The following RSL24D1 variants were observed in gnomAD, a reference collection of about 807,000 sequenced individuals.
RSL24D1 encodes the protein ribosomal L24 domain containing 1, also known as probable ribosome biogenesis protein RLP24.
A neutral mutation model predicts 26.2 loss-of-function variants in RSL24D1; 6 were observed. The observed-to-expected ratio is 0.23, with a 90% CI of 0.13 to 0.45. RSL24D1 has a LOEUF of 0.45. RSL24D1 is among the 20% of genes least tolerant of loss of function. The pLI is 0.99. For missense variants in RSL24D1, 176 were observed against 202.6 expected (o/e 0.87, Z 0.80); for synonymous variants, 61 against 59.1 (o/e 1.03, Z -0.15).
At chr15:55,190,399 C>G (rs1056975079) in intron 3 of RSL24D1, among the ~76,000 whole-genome samples, 5 of 146,284 alleles carry the variant, frequency 3.4e-5, no homozygotes, top group African/African-American at 1.3e-4. Context: ...GGAAAAAAAA[C>G]AAAACAAAAC....
chr15:55,191,066 G>C lies in RSL24D1; in HGVS notation c.196-19C>G. The C allele has an allele frequency of 6.5e-7, 1 of 1,532,654 alleles. No homozygotes were observed. The highest frequency in any genetic ancestry group is 8.9e-7 in the Non-Finnish European group (1 of 1,129,712). The allele number at this position is 1,532,654 out of a possible 1,614,324, so 94.9% of individuals were successfully genotyped here. ...AATTATCCTGTAAGAGGGAACAGAGGAGATAAAAATAAGGTTTTAAGAAAG... is the reference window on the plus strand; with the variant it reads ...AATTATCCTGTAAGAGGGAACAGAGCAGATAAAAATAAGGTTTTAAGAAAG... On this transcript the variant is annotated intron_variant, in intron 2 of 5. Coordinates refer to ENST00000260443, the MANE Select transcript of RSL24D1 (RefSeq NM_016304.3).
intron 4 of RSL24D1, among the ~76,000 whole-genome samples, chr15:55,184,150 C>T (rs1458534257): frequency 6.6e-6 from 1 of 152,096 alleles, no homozygotes; most frequent in African/African-American, 2.4e-5. Context: ...TGACATATTC[C>T]ATAGCAATTA....
At chr15:55,195,890 A>C (rs1193867200) in intron 1 of RSL24D1, among the ~76,000 whole-genome samples, 1 of 152,236 alleles carries the variant, frequency 6.6e-6, no homozygotes, top group Admixed American at 6.5e-5. Context: ...TCACCTTAAT[A>C]TACAGATTCT....
Position 55,196,852 on chromosome 15 carries a change from G to A in RSL24D1, c.39C>T (p.Ile13=). 1 of 1,614,198 alleles carries A rather than the reference G, an allele frequency of 6.2e-7. No homozygotes were observed. The highest frequency in any genetic ancestry group is 8.5e-7 in the Non-Finnish European group (1 of 1,180,040). The change falls in exon 1 of 6, where the codon ATC becomes ATT. Residue 13 remains isoleucine, a synonymous_variant. Coordinates refer to ENST00000260443, the MANE Select transcript of RSL24D1 (RefSeq NM_016304.3). ...IEKCYFCSGP[I]YPGHGMMFVR... is the part of the protein sequence containing the mutation. ...CGAACATCATGCCGTGTCCAGGATA[G>A]ATGGGCCCCGAACAGAAATAACACT... is the stretch of plus-strand genomic sequence containing the variant.
At chr15:55,193,813 C>G (rs8043029) in intron 1 of RSL24D1, among the ~76,000 whole-genome samples, 41,022 of 151,990 alleles carry the variant, frequency 0.27, 7,143 homozygotes, top group African/African-American at 0.5. Flanking sequence ...TCTCCTAAGA[C>G]ACTAGAGTGA....
At chr15:55,183,810 C>T (rs1405160804) in intron 4 of RSL24D1, among the ~76,000 whole-genome samples, 2 of 152,154 alleles carry the variant, frequency 1.3e-5, no homozygotes, top group Non-Finnish European at 2.9e-5. Flanking sequence ...TACCCTACCA[C>T]AACACTTATT....
intron 1 of RSL24D1, among the ~76,000 whole-genome samples, chr15:55,193,318 C>G (rs1177108966): frequency 1.3e-5 from 2 of 152,280 alleles, no homozygotes; most frequent in African/African-American, 2.4e-5. Context: ...GATCTGCTAG[C>G]AAGATTCTTT....
In RSL24D1 at chr15:55,188,316, C is replaced by T. The variant is rs553516374; in HGVS notation, c.268+2659G>A. The stretch of plus-strand genomic sequence containing the variant: ...AAAGACTCTCATACTATTTACCTAG[C>T]ACTCATACTGTACACTTAGCAGATC... On this transcript the variant is annotated intron_variant, in intron 3 of 5. Transcript: ENST00000260443. 2.6e-5 allele frequency among the ~76,000 whole-genome samples: 4 copies of T among 152,310 alleles called. No homozygotes were observed. In the East Asian group the frequency reaches 7.7e-4, roughly 29 times the overall value.
chr15:55,185,135 T>G (rs1203954792), intron 4 of RSL24D1, among the ~76,000 whole-genome samples: 1 of 152,174 alleles, frequency 6.6e-6, no homozygotes, highest in Non-Finnish European at 1.5e-5. Flanking sequence ...TACACACACT[T>G]AAGTATACTT....
At chr15:55,186,283 G>C (rs878914407) in intron 3 of RSL24D1, among the ~76,000 whole-genome samples, 1 of 152,008 alleles carries the variant, frequency 6.6e-6, no homozygotes, top group Admixed American at 6.6e-5. Context: ...TAGATCTAAA[G>C]AATAATAAGA....
In RSL24D1 at chr15:55,181,939, A is replaced by G; in HGVS notation, c.*213T>C. ...TATAGTTACAAGTAGAATTTTCATG[A>G]TTTACTTAAGTACATCTATCAGTAA... On this transcript the variant is annotated 3_prime_UTR_variant, in exon 6 of 6. Transcript: ENST00000260443. The G allele has an allele frequency of 4.3e-6, 2 of 463,084 alleles. No homozygotes were observed. The highest frequency in any genetic ancestry group is 7.7e-6 in the Non-Finnish European group (2 of 259,750). 28.7% of individuals were successfully genotyped at this position (463,084 alleles called of 1,614,324 possible). A position where few individuals can be genotyped will look rare whatever the true frequency, so the allele number is the denominator to read the frequency against.
chr15:55,196,700 G>A, intron 1 of RSL24D1, 110 bp downstream of exon 1: 1 of 1,021,092 alleles, frequency 9.8e-7, no homozygotes, highest in Non-Finnish European at 1.5e-6. Context: ...GGGAACAACG[G>A]GAGGAACCCG....
intron 2 of RSL24D1, 150 bp from the exon 3 acceptor site, chr15:55,191,197 A>G: frequency 1.7e-6 from 1 of 577,706 alleles, no homozygotes; most frequent in Non-Finnish European, 3.0e-6. Flanking sequence ...TAGGTTTTCA[A>G]ATTTTTTCTC....
intron 2 of RSL24D1, among the ~76,000 whole-genome samples, chr15:55,192,168 G>A (rs951973279): frequency 5.3e-5 from 8 of 152,186 alleles, no homozygotes; most frequent in Non-Finnish European, 1.0e-4. Flanking sequence ...AATGTAGCCT[G>A]TACTGCATTT....
At chr15:55,193,014 AG>A (rs1894315956) in intron 1 of RSL24D1, among the ~76,000 whole-genome samples, 181 bp from the exon 2 acceptor site, 1 of 152,196 alleles carries the variant, frequency 6.6e-6, no homozygotes, top group Admixed American at 6.5e-5. Context: ...TCCCAACCAA[AG>A]GCTAAGGGCC....
At chr15:55,190,871 T>C (rs1173946288) in intron 3 of RSL24D1, 104 bp downstream of exon 3, 9 of 745,244 alleles carry the variant, frequency 1.2e-5, no homozygotes, top group African/African-American at 1.8e-5. Flanking sequence ...CAAGGAATGA[T>C]AAATGGAAAA....
chr15:55,192,798 G>A lies in RSL24D1; in HGVS notation c.117C>T (p.Asn39=). ...TGCGAGGATTGCGCTTCTTTTTAAA[G>A]TTTTTATGACATTTAGATTTGCAAA... The part of the protein sequence containing the change: ...FRFCKSKCHK[N]FKKKRNPRKV... Residue 39 remains asparagine (N), a synonymous_variant, in exon 2 of 6, where the codon AAC becomes AAT. Transcript: ENST00000260443. 6.2e-7 allele frequency: 1 copy of A among 1,613,724 alleles called. No individual in the cohort carries two copies. Among genetic ancestry groups the A allele is most frequent in the Non-Finnish European group, 8.5e-7 (1 of 1,179,760 alleles).
At chr15:55,194,852 C>A (rs937571243) in intron 1 of RSL24D1, among the ~76,000 whole-genome samples, 5 of 150,660 alleles carry the variant, frequency 3.3e-5, no homozygotes, top group Admixed American at 3.3e-4. Flanking sequence ...TTAATCTCCC[C>A]GTCTCTACAA....
rs1260113745 is a variant in RSL24D1, at chr15:55,181,288, G to A, written c.*864C>T. 6.6e-6 allele frequency: 1 copy of A among 152,438 alleles called. No homozygotes were observed. The highest frequency in any genetic ancestry group is 1.5e-5 in the Non-Finnish European group (1 of 68,024). The allele number at this position is 152,438 out of a possible 1,614,324, so 9.4% of individuals were successfully genotyped here. The stretch of plus-strand genomic sequence containing the variant: ...CATCAATATTTCATATCTTTGTTTA[G>A]TGCCTTTAAAGAATAAATATCAGCA... On this transcript the variant is annotated 3_prime_UTR_variant, in exon 6 of 6. Coordinates refer to ENST00000260443, the MANE Select transcript of RSL24D1 (RefSeq NM_016304.3).
Sources: gnomAD v4.1 joint callset for allele counts (sites outside exome capture counted in the v4.1 genomes callset) on GRCh38, gnomAD v4.1.1 for gene constraint, MANE v1.5 for transcripts, NCBI Gene and HGNC (gene_info 2026-07-23, HGNC 2026-07-21) for gene names.